KIAA0040: variants seen among roughly 807,000 people sequenced by gnomAD.
KIAA0040 encodes KIAA0040, also known as uncharacterized protein KIAA0040.
In KIAA0040, 10 loss-of-function variants were observed where a neutral mutation model predicts 7.2. The ratio of observed to expected loss-of-function variants is 1.38; its 90% CI spans 0.85 to 2.34. The LOEUF is 2.34. Among genes scored for constraint, KIAA0040 ranks in the 30% most tolerant of loss-of-function variants. The pLI is 0.00. For synonymous variants in KIAA0040, 49 were observed against 40.1 expected, an observed-to-expected ratio of 1.22 and a Z score of -0.84; for missense variants, 89 against 108.2, an observed-to-expected ratio of 0.82 and a Z score of 0.79.
intron 1 of KIAA0040, among the ~76,000 whole-genome samples, chr1:175,182,222 A>G (rs1336744877): frequency 6.6e-6 from 1 of 152,236 alleles, no homozygotes; most frequent in Admixed American, 6.5e-5. Context: ...ACATTTGACT[A>G]TGAAGGCAGA....
intron 2 of KIAA0040, among the ~76,000 whole-genome samples, chr1:175,173,154 G>A (rs763270206): frequency 6.6e-6 from 1 of 152,016 alleles, no homozygotes; most frequent in Admixed American, 6.5e-5. Flanking sequence ...CTCCAGGATC[G>A]CATTTCTTAG....
At chr1:175,182,305 T>C (rs537387507) in intron 1 of KIAA0040, among the ~76,000 whole-genome samples, 37 of 152,292 alleles carry the variant, frequency 2.4e-4, no homozygotes, top group Non-Finnish European at 4.1e-4. Flanking sequence ...TCACCCCAAC[T>C]ACATTTTATC....
intron 2 of KIAA0040, among the ~76,000 whole-genome samples, chr1:175,168,258 G>T (rs1042692663): frequency 1.3e-5 from 2 of 152,148 alleles, no homozygotes; most frequent in Admixed American, 6.5e-5. Context: ...CACAGTAAAT[G>T]ATCTGCTTGT....
Position 175,173,959 on chromosome 1 carries a change from C to T in KIAA0040, c.-310+3652G>A, listed in dbSNP as rs930866920. Among the ~76,000 whole-genome samples, 24 of 142,940 alleles carry T rather than the reference C, an allele frequency of 1.7e-4. 1 individual carries two copies. Among genetic ancestry groups the T allele is most frequent in the Admixed American group, 1.2e-3 (18 of 14,990 alleles). 93.8% of individuals were successfully genotyped at this position (142,940 alleles called of 152,430 possible). A position where few individuals can be genotyped will look rare whatever the true frequency, so the allele number is the denominator to read the frequency against. ...ATCTTCAGCTAGTCCTAAGATTTGG[C>T]CACACTAACCTCCCACATGGCCACA... On this transcript the variant is annotated intron_variant, in intron 2 of 3. Transcript: ENST00000423313.
intron 2 of KIAA0040, among the ~76,000 whole-genome samples, chr1:175,174,175 A>G (rs570695412): frequency 1.3e-5 from 2 of 152,324 alleles, no homozygotes; most frequent in South Asian, 2.1e-4. Flanking sequence ...GCTGTCATCT[A>G]TGTAGAGAAG....
intron 2 of KIAA0040, among the ~76,000 whole-genome samples, chr1:175,176,669 CTTTTTTTTTT>C (rs34859478): frequency 1.8e-4 from 5 of 27,466 alleles, no homozygotes; most frequent in South Asian, 3.6e-3. Context: ...AAGTAGCATG[CTTTTTTTTTT>C]TTTTTTTTTT....
At chr1:175,188,576 C>T (rs1459559430) in intron 1 of KIAA0040, among the ~76,000 whole-genome samples, 1 of 152,188 alleles carries the variant, frequency 6.6e-6, no homozygotes, top group African/African-American at 2.4e-5. Flanking sequence ...AACTAATCCA[C>T]TGGTCTCTAG....
rs996261097 is a variant in KIAA0040, at chr1:175,172,931, T to C, written c.-310+4680A>G. Among the ~76,000 whole-genome samples, 25 of 152,376 alleles carry C rather than the reference T, an allele frequency of 1.6e-4. 1 individual carries two copies. Among genetic ancestry groups the C allele is most frequent in the Admixed American group, 1.2e-3 (18 of 15,306 alleles). ...TAAAGCACTATATTTATTATTATACTATTCACATTGTGTGAAAGGTGAAAA... is the reference window on the plus strand; with the variant it reads ...TAAAGCACTATATTTATTATTATACCATTCACATTGTGTGAAAGGTGAAAA... On this transcript the variant is annotated intron_variant, in intron 2 of 3. Transcript: ENST00000423313.
chr1:175,183,238 C>T lies in KIAA0040; in HGVS notation c.-383-5554G>A, dbSNP rs576673087. Among the ~76,000 whole-genome samples, 24 of 152,346 alleles carry T rather than the reference C, an allele frequency of 1.6e-4. 1 individual carries two copies. The highest frequency in any genetic ancestry group is 5.3e-4 in the African/African-American group (22 of 41,576). ...TTTCCCACTTGACATTAAGCTATTA[C>T]AGAGCTTTCTCCTCTGGGTATCCCC... is the stretch of plus-strand genomic sequence containing the variant. On this transcript the variant is annotated intron_variant, in intron 1 of 3. Transcript: ENST00000423313.
At chr1:175,173,049 G>A (rs956761861) in intron 2 of KIAA0040, among the ~76,000 whole-genome samples, 3 of 152,162 alleles carry the variant, frequency 2.0e-5, no homozygotes, top group African/African-American at 7.2e-5. Flanking sequence ...AGCCCCTAGT[G>A]AATCAGGGCA....
At position 175,190,438 on chromosome 1, in the gene KIAA0040, T is replaced by G. The variant is rs552065290; in HGVS notation, c.-384+2202A>C. ...CAACTGCTTATCTCCATCTGGACAT[T>G]TCCTGGGCATATTCAACTTTAATAT... is the stretch of plus-strand genomic sequence containing the variant. On this transcript the variant is annotated intron_variant, in intron 1 of 3. Transcript: ENST00000423313. Among the ~76,000 whole-genome samples the G allele has an allele frequency of 2.0e-5, 3 of 152,334 alleles. No homozygotes were observed. In the South Asian group the frequency reaches 6.2e-4, roughly 32 times the overall value.
chr1:175,176,701 G>A (rs1424089546), intron 2 of KIAA0040, among the ~76,000 whole-genome samples: 2 of 16,004 alleles, frequency 1.2e-4, no homozygotes, highest in Non-Finnish European at 2.9e-4. Flanking sequence ...TTTTTTTTTT[G>A]CTTCAGCACC....
intron 2 of KIAA0040, among the ~76,000 whole-genome samples, chr1:175,175,779 A>T (rs1387500560): frequency 6.6e-6 from 1 of 152,210 alleles, no homozygotes; most frequent in Non-Finnish European, 1.5e-5. Flanking sequence ...TGCAAGGACA[A>T]AAAACCAAAC....
intron 1 of KIAA0040, among the ~76,000 whole-genome samples, chr1:175,190,721 A>G (rs973561380): frequency 4.6e-5 from 7 of 152,048 alleles, no homozygotes; most frequent in African/African-American, 1.7e-4. Context: ...GGTCTTAATT[A>G]TCTCTGCTTC....
At chr1:175,167,915 G>GA (rs1199571015) in intron 2 of KIAA0040, among the ~76,000 whole-genome samples, 2 of 151,744 alleles carry the variant, frequency 1.3e-5, no homozygotes, top group Non-Finnish European at 2.9e-5. Flanking sequence ...TCCAAAACAG[G>GA]AAAATCATCA....
At chr1:175,186,893 A>G (rs925107220) in intron 1 of KIAA0040, among the ~76,000 whole-genome samples, 2 of 152,110 alleles carry the variant, frequency 1.3e-5, no homozygotes, top group Non-Finnish European at 2.9e-5. Flanking sequence ...TTCATTATGG[A>G]ATGATGTGGG....
intron 3 of KIAA0040, among the ~76,000 whole-genome samples, chr1:175,165,905 GT>G (rs35378940): frequency 0.57 from 86,441 of 152,096 alleles, 25,005 homozygotes; most frequent in East Asian, 0.86. Context: ...CATTGTTCTT[GT>G]TTTTTAGACA....
chr1:175,191,411 TA>T (rs1207152560), intron 1 of KIAA0040, among the ~76,000 whole-genome samples: 2 of 152,184 alleles, frequency 1.3e-5, no homozygotes, highest in Non-Finnish European at 2.9e-5. Flanking sequence ...ATCTCTTTCC[TA>T]AAATTGTATC....
rs143655238 is a variant in KIAA0040 at position 175,158,860 on chromosome 1, C to A, written c.*1854G>T. 6.6e-6 allele frequency: 1 copy of A among 152,092 alleles called. No homozygotes were observed. Among genetic ancestry groups the A allele is most frequent in the African/African-American group, 2.4e-5 (1 of 41,378 alleles). The allele number at this position is 152,092 out of a possible 1,614,324, so 9.4% of individuals were successfully genotyped here. A position where few individuals can be genotyped will look rare whatever the true frequency, so the allele number is the denominator to read the frequency against. ...TTCACAGGGTCATCTGTTAGAAAAC[C>A]CTGGTGCAAGGGTCACCACTAAATG... On this transcript the variant is annotated 3_prime_UTR_variant, in exon 4 of 4. Coordinates refer to ENST00000423313, the MANE Select transcript of KIAA0040 (RefSeq NM_014656.3).
Sources: allele counts gnomAD v4.1 joint callset (sites outside exome capture counted in the v4.1 genomes callset), GRCh38; gene constraint gnomAD v4.1.1; transcripts MANE v1.5; gene names NCBI Gene and HGNC (gene_info 2026-07-23, HGNC 2026-07-21).